Variants in CARMIL1 observed in about 807,000 individuals in gnomAD.
CARMIL1 encodes F-actin-uncapping protein LRRC16A.
In CARMIL1, 90 loss-of-function variants were observed where a neutral mutation model predicts 177.1. The ratio of observed to expected loss-of-function variants is 0.51; its 90% CI spans 0.43 to 0.61. The LOEUF (loss-of-function observed/expected upper bound fraction) is 0.61, where lower values mean the gene tolerates loss of function less well. Among genes scored for constraint, CARMIL1 ranks in the 20% least tolerant of loss-of-function variants. The probability of loss-of-function intolerance (pLI) is 0.00; values close to 1 mark genes in which losing one functional copy is unlikely to be tolerated. For synonymous variants in CARMIL1, 577 were observed against 606.2 expected, an observed-to-expected ratio of 0.95 and a Z score of 0.71; for missense variants, 1,380 against 1,667.0, an observed-to-expected ratio of 0.83 and a Z score of 3.00.
chr6:25,403,366 G>A (rs898985036), intron 2 of CARMIL1, among the ~76,000 whole-genome samples: 1 of 152,056 alleles, frequency 6.6e-6, no homozygotes, highest in African/African-American at 2.4e-5. Context: ...AGCTATTGCC[G>A]TTGGCCCCTG....
At chr6:25,477,126 A>T (rs1453529396) in intron 11 of CARMIL1, among the ~76,000 whole-genome samples, 1 of 151,990 alleles carries the variant, frequency 6.6e-6, no homozygotes, top group Non-Finnish European at 1.5e-5. Context: ...ACAACAAAAA[A>T]AAAACAAGGG....
chr6:25,519,542 T>A (rs1156254862), intron 22 of CARMIL1, among the ~76,000 whole-genome samples: 2 of 152,190 alleles, frequency 1.3e-5, no homozygotes, highest in African/African-American at 4.8e-5. Flanking sequence ...CCAGTAGCAA[T>A]GGGATAATAT....
At chr6:25,354,380 T>TA (rs1407219624) in intron 2 of CARMIL1, among the ~76,000 whole-genome samples, 1 of 144,668 alleles carries the variant, frequency 6.9e-6, no homozygotes, top group Non-Finnish European at 1.5e-5. Flanking sequence ...GGCCTTGCTA[T>TA]ATTGCCCAAC....
At chr6:25,474,480 ATATGGT>A (rs374798579) in intron 11 of CARMIL1, among the ~76,000 whole-genome samples, 4 of 152,028 alleles carry the variant, frequency 2.6e-5, no homozygotes, top group African/African-American at 7.2e-5. Flanking sequence ...TTTGTCCTTA[ATATGGT>A]TATTGTTCTG....
At chr6:25,461,498 C>T (rs1465333445) in intron 8 of CARMIL1, among the ~76,000 whole-genome samples, 4 of 152,316 alleles carry the variant, frequency 2.6e-5, no homozygotes, top group African/African-American at 7.2e-5. Context: ...CATGGGTGAG[C>T]TTTCCATGAG....
At chr6:25,354,796 T>C (rs1047620483) in intron 2 of CARMIL1, among the ~76,000 whole-genome samples, 3 of 152,176 alleles carry the variant, frequency 2.0e-5, no homozygotes, top group Non-Finnish European at 4.4e-5. Context: ...GGTGACATAA[T>C]CCACTGCTTT....
intron 2 of CARMIL1, among the ~76,000 whole-genome samples, 176 bp from the exon 3 acceptor site, chr6:25,419,937 GT>G (rs1795696253): frequency 6.6e-6 from 1 of 152,160 alleles, no homozygotes; most frequent in African/African-American, 2.4e-5. Flanking sequence ...GACTCTTTAA[GT>G]TAAAACTAAT....
intron 2 of CARMIL1, among the ~76,000 whole-genome samples, chr6:25,306,499 C>T (rs1457276074): frequency 6.6e-6 from 1 of 152,092 alleles, no homozygotes; most frequent in East Asian, 1.9e-4. Context: ...ATCTCTCCTC[C>T]CCCCCACTTT....
intron 5 of CARMIL1, among the ~76,000 whole-genome samples, chr6:25,436,792 AGGGTAG>A (rs1459281604): frequency 6.6e-6 from 1 of 152,148 alleles, no homozygotes; most frequent in African/African-American, 2.4e-5. Flanking sequence ...TCTGATTATC[AGGGTAG>A]CTGGTTGCCG....
intron 2 of CARMIL1, among the ~76,000 whole-genome samples, chr6:25,390,929 T>C (rs1420305727): frequency 6.6e-6 from 1 of 152,212 alleles, no homozygotes; most frequent in Non-Finnish European, 1.5e-5. Flanking sequence ...CTTGAACTGC[T>C]GACCTCAAGT....
At chr6:25,344,559 G>T (rs185498431) in intron 2 of CARMIL1, among the ~76,000 whole-genome samples, 1 of 152,232 alleles carries the variant, frequency 6.6e-6, no homozygotes, top group East Asian at 1.9e-4. Flanking sequence ...GATCTTAAGT[G>T]GGCCCTTGAT....
At chr6:25,524,912 A>G (rs184093141) in intron 23 of CARMIL1, among the ~76,000 whole-genome samples, 30 of 152,304 alleles carry the variant, frequency 2.0e-4, no homozygotes, top group Admixed American at 1.9e-3. Flanking sequence ...AGATTCTTCA[A>G]TAGAAACTTC....
chr6:25,611,778 A>T (rs1455863475), intron 36 of CARMIL1, among the ~76,000 whole-genome samples: 1 of 152,214 alleles, frequency 6.6e-6, no homozygotes, highest in African/African-American at 2.4e-5. Flanking sequence ...TTATCAAAAC[A>T]AGGCCTAGAG....
chr6:25,365,623 G>A (rs1437656133), intron 2 of CARMIL1, among the ~76,000 whole-genome samples: 3 of 152,082 alleles, frequency 2.0e-5, no homozygotes, highest in Non-Finnish European at 2.9e-5. Context: ...TGCAATCTCA[G>A]CCCACTGCAA....
chr6:25,499,668 G>A (rs898410438), intron 16 of CARMIL1, among the ~76,000 whole-genome samples: 6 of 152,160 alleles, frequency 3.9e-5, no homozygotes, highest in African/African-American at 9.7e-5. Context: ...ACTGTAGGTC[G>A]TTTAATAAAC....
intron 9 of CARMIL1, among the ~76,000 whole-genome samples, chr6:25,469,937 A>C (rs1800957297): frequency 6.6e-6 from 1 of 152,210 alleles, no homozygotes; most frequent in Admixed American, 6.5e-5. Context: ...TAAATATAAA[A>C]ACATTAATAA....
At chr6:25,315,773 C>T (rs749488157) in intron 2 of CARMIL1, among the ~76,000 whole-genome samples, 1 of 152,236 alleles carries the variant, frequency 6.6e-6, no homozygotes, top group Non-Finnish European at 1.5e-5. Flanking sequence ...GCTGTGCTCA[C>T]ACAGAACCAG....
At chr6:25,490,348 G>A (rs539682547) in intron 13 of CARMIL1, among the ~76,000 whole-genome samples, 1 of 152,328 alleles carries the variant, frequency 6.6e-6, no homozygotes, top group South Asian at 2.1e-4. Flanking sequence ...GAGAGAGGCA[G>A]AGGATCTTCA....
At chr6:25,567,908 C>G (rs924981350) in intron 29 of CARMIL1, among the ~76,000 whole-genome samples, 2 of 152,182 alleles carry the variant, frequency 1.3e-5, no homozygotes, top group African/African-American at 4.8e-5. Context: ...GTGAAATGGG[C>G]CTGTCAAATT....
Sources: allele counts gnomAD v4.1 joint callset (sites outside exome capture counted in the v4.1 genomes callset), GRCh38; gene constraint gnomAD v4.1.1; transcripts MANE v1.5; gene names NCBI Gene and HGNC (gene_info 2026-07-23, HGNC 2026-07-21).